NRXN3: variants seen among roughly 807,000 people sequenced by gnomAD.
The protein encoded by NRXN3 is neurexin III.
A neutral mutation model predicts 137.6 loss-of-function variants in NRXN3; 32 were observed. The observed-to-expected ratio is 0.23, with a 90% confidence interval of 0.18 to 0.31. The LOEUF is 0.31. NRXN3 is among the 10% of genes least tolerant of loss of function. NRXN3 has a pLI of 1.00. For missense variants in NRXN3, 1,574 were observed against 2,062.5 expected, an observed-to-expected ratio of 0.76 and a Z score of 4.59; for synonymous variants, 798 against 784.5, an observed-to-expected ratio of 1.02 and a Z score of -0.29.
At chr14:78,556,009 C>T (rs2096733504) in intron 4 of NRXN3, among the ~76,000 whole-genome samples, 1 of 152,132 alleles carries the variant, frequency 6.6e-6, no homozygotes, top group Non-Finnish European at 1.5e-5. Flanking sequence ...GTGAGGAGCT[C>T]TTGTCTCCTT....
intron 4 of NRXN3, among the ~76,000 whole-genome samples, chr14:78,624,826 TGTG>T (rs1404280675): frequency 2.0e-5 from 3 of 149,608 alleles, no homozygotes; most frequent in Non-Finnish European, 1.5e-5. Flanking sequence ...TGTGTGTGTG[TGTG>T]TGTTTGTTTG....
At chr14:78,827,214 T>A (rs2098969122) in intron 10 of NRXN3, among the ~76,000 whole-genome samples, 1 of 150,942 alleles carries the variant, frequency 6.6e-6, no homozygotes, top group Admixed American at 6.6e-5. Flanking sequence ...AGAATTTGGA[T>A]ATTCTCACAC....
At chr14:79,610,659 C>T (rs2098087594) in intron 16 of NRXN3, among the ~76,000 whole-genome samples, 1 of 152,210 alleles carries the variant, frequency 6.6e-6, no homozygotes, top group Non-Finnish European at 1.5e-5. Flanking sequence ...GTTGACTTAG[C>T]AATTTAAACT....
At chr14:79,622,885 C>A (rs113570329) in intron 16 of NRXN3, among the ~76,000 whole-genome samples, 1 of 152,120 alleles carries the variant, frequency 6.6e-6, no homozygotes, top group South Asian at 2.1e-4. Context: ...CGTGAGCCAC[C>A]GCACCCGGCC....
At chr14:79,346,596 A>G (rs573383655) in intron 15 of NRXN3, among the ~76,000 whole-genome samples, 1 of 152,268 alleles carries the variant, frequency 6.6e-6, no homozygotes, top group East Asian at 1.9e-4. Context: ...CTAAAATCTC[A>G]GATCTTGTGT....
At chr14:78,844,295 G>T (rs2099020636) in intron 10 of NRXN3, among the ~76,000 whole-genome samples, 1 of 152,072 alleles carries the variant, frequency 6.6e-6, no homozygotes. Context: ...CTCTCCAGAT[G>T]CTTAATTTAA....
At chr14:79,356,155 T>C (rs916100301) in intron 15 of NRXN3, among the ~76,000 whole-genome samples, 1 of 152,228 alleles carries the variant, frequency 6.6e-6, no homozygotes, top group African/African-American at 2.4e-5. Flanking sequence ...ATCTATTCTT[T>C]TTGTTAAATT....
At chr14:78,961,209 G>A (rs950388757) in intron 11 of NRXN3, among the ~76,000 whole-genome samples, 9 of 151,990 alleles carry the variant, frequency 5.9e-5, no homozygotes, top group African/African-American at 2.2e-4. Flanking sequence ...CTCTCCCCAC[G>A]TCTAAGGGCC....
intron 15 of NRXN3, chr14:79,249,037 A>C (rs2075593637): frequency 6.6e-6 from 1 of 152,104 alleles, no homozygotes; most frequent in Non-Finnish European, 1.5e-5. Flanking sequence ...TGTAGCAGGC[A>C]CTTCAGGTTG....
intron 15 of NRXN3, among the ~76,000 whole-genome samples, chr14:79,240,073 GTATT>G (rs2074030729): frequency 6.6e-6 from 1 of 151,990 alleles, no homozygotes; most frequent in African/African-American, 2.4e-5. Context: ...TTGATGATAA[GTATT>G]TAAGAAAATG....
chr14:78,749,250 T>G (rs933174968), intron 8 of NRXN3, among the ~76,000 whole-genome samples: 6 of 152,142 alleles, frequency 3.9e-5, no homozygotes, highest in African/African-American at 9.7e-5. Context: ...GCACAGAAAC[T>G]ATCGATTCCA....
chr14:78,345,127 G>T (rs559834328), intron 4 of NRXN3, among the ~76,000 whole-genome samples: 2 of 152,200 alleles, frequency 1.3e-5, no homozygotes, highest in Non-Finnish European at 2.9e-5. Context: ...ACATGTGTGT[G>T]CCTGTGTGTG....
At chr14:78,173,709 C>CTTTTTTTTTTTTTT (rs10638142) in intron 1 of NRXN3, among the ~76,000 whole-genome samples, 5,342 of 69,108 alleles carry the variant, frequency 0.077, 1,208 homozygotes, top group Non-Finnish European at 0.087. Flanking sequence ...TTTTTCCTTG[C>CTTTTTTTTTTTTTT]TTTTTTTTTT....
chr14:78,903,349 C>A (rs575807098), intron 10 of NRXN3, among the ~76,000 whole-genome samples: 1 of 151,880 alleles, frequency 6.6e-6, no homozygotes, highest in Admixed American at 6.6e-5. Flanking sequence ...GCCACATTGC[C>A]CAGGCTGGTC....
chr14:78,702,456 T>C (rs78936493), intron 6 of NRXN3, among the ~76,000 whole-genome samples: 1 of 2,654 alleles, frequency 3.8e-4, no homozygotes, highest in East Asian at 1.7e-3. Context: ...CTTTTCTTAT[T>C]TTTTTTGAGA....
At chr14:78,758,299 A>C (rs1340627740) in intron 8 of NRXN3, among the ~76,000 whole-genome samples, 2 of 152,218 alleles carry the variant, frequency 1.3e-5, no homozygotes, top group African/African-American at 2.4e-5. Flanking sequence ...AATTTAAAAT[A>C]ATGTTGTAAA....
intron 4 of NRXN3, among the ~76,000 whole-genome samples, chr14:78,438,744 G>A (rs1215711196): frequency 6.6e-6 from 1 of 152,092 alleles, no homozygotes; most frequent in African/African-American, 2.4e-5. Flanking sequence ...CTAAGAACAG[G>A]AGCTAGTGAA....
intron 15 of NRXN3, among the ~76,000 whole-genome samples, chr14:79,058,803 C>A (rs1211985044): frequency 6.6e-6 from 1 of 152,066 alleles, no homozygotes; most frequent in African/African-American, 2.4e-5. Flanking sequence ...ATAGTGAGTT[C>A]TCAGGAGATC....
At chr14:79,177,602 T>C (rs1374009476) in intron 15 of NRXN3, among the ~76,000 whole-genome samples, 2 of 152,186 alleles carry the variant, frequency 1.3e-5, no homozygotes, top group Admixed American at 6.5e-5. Flanking sequence ...TGAGGGATTA[T>C]TGAAACCTAA....
Sources: allele counts gnomAD v4.1 joint callset (sites outside exome capture counted in the v4.1 genomes callset), GRCh38; gene constraint gnomAD v4.1.1; transcripts MANE v1.5; gene names NCBI Gene and HGNC (gene_info 2026-07-23, HGNC 2026-07-21).